The following FRMD3 variants were observed in gnomAD, a reference collection of about 807,000 sequenced individuals.
FRMD3 encodes FERM domain containing 3, also known as FERM domain-containing protein 3.
FRMD3 carries 33 observed loss-of-function variants against 70.2 expected under a neutral mutation model. The observed-to-expected ratio is 0.47, with a 90% CI of 0.36 to 0.63. FRMD3 has a LOEUF of 0.63. Ranked by LOEUF, FRMD3 falls within the 20% of genes least tolerant of loss-of-function variation. FRMD3 has a pLI of 0.00. For synonymous variants in FRMD3, 279 were observed against 255.9 expected, an observed-to-expected ratio of 1.09 and a Z score of -0.86; for missense variants, 632 against 711.4, an observed-to-expected ratio of 0.89 and a Z score of 1.27.
intron 3 of FRMD3, among the ~76,000 whole-genome samples, chr9:83,352,427 T>C (rs1824190724): frequency 6.6e-6 from 1 of 152,166 alleles, no homozygotes; most frequent in African/African-American, 2.4e-5. Context: ...GCTCCTCAGA[T>C]ACAAATAGTG....
intron 10 of FRMD3, among the ~76,000 whole-genome samples, chr9:83,306,598 CTTTT>C (rs936281517): frequency 2.6e-5 from 4 of 151,316 alleles, no homozygotes; most frequent in African/African-American, 7.3e-5. Flanking sequence ...TAGCTTTTTT[CTTTT>C]TTTTTCATTT....
chr9:83,378,265 T>TG (rs1240948242), intron 2 of FRMD3, among the ~76,000 whole-genome samples: 1 of 141,200 alleles, frequency 7.1e-6, no homozygotes. Context: ...TTTTTTGTTT[T>TG]TTTTGTTTTT....
chr9:83,409,550 G>A (rs1277476275), intron 1 of FRMD3, among the ~76,000 whole-genome samples: 1 of 152,214 alleles, frequency 6.6e-6, no homozygotes, highest in Non-Finnish European at 1.5e-5. Context: ...AGACTCTTCA[G>A]AGGAAATTGG....
intron 1 of FRMD3, among the ~76,000 whole-genome samples, chr9:83,433,129 T>C (rs1382353921): frequency 6.6e-6 from 1 of 152,228 alleles, no homozygotes; most frequent in Non-Finnish European, 1.5e-5. Flanking sequence ...TCTTTATCAA[T>C]GCATTCATCA....
chr9:83,328,745 C>A (rs992345174), intron 6 of FRMD3, among the ~76,000 whole-genome samples: 1 of 152,126 alleles, frequency 6.6e-6, no homozygotes, highest in Non-Finnish European at 1.5e-5. Context: ...CAGTGCCCCA[C>A]AAAAGGCTGC....
intron 1 of FRMD3, among the ~76,000 whole-genome samples, chr9:83,400,542 T>C (rs565061043): frequency 6.6e-6 from 1 of 152,340 alleles, no homozygotes; most frequent in East Asian, 1.9e-4. Flanking sequence ...CAGATTCTGA[T>C]GTTTTGTGAA....
At chr9:83,577,153 T>C in the FRMD3 span, among the ~76,000 whole-genome samples, 1 of 152,108 alleles carries the variant, frequency 6.6e-6, no homozygotes, top group African/African-American at 2.4e-5. Flanking sequence ...TACCCTCAAA[T>C]TGATCTATAG....
intron 1 of FRMD3, among the ~76,000 whole-genome samples, chr9:83,471,599 A>G (rs1828270943): frequency 1.3e-5 from 2 of 152,186 alleles, no homozygotes; most frequent in South Asian, 2.1e-4. Context: ...AGAGAGCATC[A>G]GGAAGAACAG....
chr9:83,438,861 C>A (rs1200470164), intron 1 of FRMD3, among the ~76,000 whole-genome samples: 1 of 152,188 alleles, frequency 6.6e-6, no homozygotes, highest in African/African-American at 2.4e-5. Flanking sequence ...AGAAGTTGTT[C>A]CCACCTCTGT....
intron 1 of FRMD3, among the ~76,000 whole-genome samples, chr9:83,432,468 G>C (rs1587847295): frequency 6.6e-6 from 1 of 152,140 alleles, no homozygotes; most frequent in African/African-American, 2.4e-5. Context: ...CCTCAGCCTG[G>C]CCAGCCTCTG....
intron 3 of FRMD3, among the ~76,000 whole-genome samples, chr9:83,352,887 GAGTCACACAGAACA>G (rs1475692958): frequency 1.3e-5 from 2 of 152,092 alleles, no homozygotes; most frequent in Non-Finnish European, 2.9e-5. Flanking sequence ...TGCTGTTGCT[GAGTCACACAGAACA>G]AGCCACTATG....
At chr9:83,363,963 G>A (rs959151463) in intron 3 of FRMD3, among the ~76,000 whole-genome samples, 2 of 152,008 alleles carry the variant, frequency 1.3e-5, no homozygotes, top group Admixed American at 6.5e-5. Context: ...TCATCACCTG[G>A]ATATTATCAA....
the FRMD3 span, among the ~76,000 whole-genome samples, chr9:83,582,924 A>G: frequency 2.0e-5 from 3 of 152,308 alleles, no homozygotes; most frequent in Non-Finnish European, 4.4e-5. Context: ...AGACGTTGCA[A>G]TTTGGGATCG....
intron 2 of FRMD3, among the ~76,000 whole-genome samples, chr9:83,380,610 C>T (rs1312768109): frequency 1.3e-5 from 2 of 152,022 alleles, no homozygotes; most frequent in East Asian, 1.9e-4. Flanking sequence ...TGGGGTGGTA[C>T]TTTGTGACTA....
intron 10 of FRMD3, among the ~76,000 whole-genome samples, chr9:83,301,884 C>T (rs1042376974): frequency 2.0e-5 from 3 of 152,266 alleles, no homozygotes; most frequent in Non-Finnish European, 4.4e-5. Flanking sequence ...AAAGACTGTG[C>T]GTCTTTCTGG....
intron 10 of FRMD3, 81 bp downstream of exon 10, chr9:83,309,455 A>C (rs1341999951): frequency 4.6e-5 from 36 of 783,562 alleles, no homozygotes; most frequent in Non-Finnish European, 7.1e-5. Flanking sequence ...TAAAAGAAAT[A>C]AATATGCAGC....
rs1263969538 is a variant in FRMD3, at chr9:83,343,238, G to T, written c.424C>A (p.Leu142Met). The T allele has an allele frequency of 6.2e-7, 1 of 1,614,058 alleles. No individual in the cohort carries two copies. Among genetic ancestry groups the T allele is most frequent in the South Asian group, 1.1e-5 (1 of 91,076 alleles). ...TAGGCAGCATCAGAAAAGGAGCACA[G>T]CAGGCGGCCATGAAAAATGTCCCTT... ...IKRDIFHGRL[L>M]CSFSDAAYLG... The change falls in exon 5 of 14, where the codon CTG becomes ATG. Residue 142 changes from leucine (L) to methionine (M), a missense_variant. Transcript: ENST00000304195.
intron 13 of FRMD3, among the ~76,000 whole-genome samples, chr9:83,286,730 G>A (rs1334165509): frequency 1.3e-5 from 2 of 152,198 alleles, no homozygotes; most frequent in Non-Finnish European, 2.9e-5. Flanking sequence ...ACAAGAATCT[G>A]AACCAGTATA....
At chr9:83,400,539 T>C (rs1825925281) in intron 1 of FRMD3, among the ~76,000 whole-genome samples, 1 of 152,220 alleles carries the variant, frequency 6.6e-6, no homozygotes, top group Admixed American at 6.5e-5. Context: ...AGTCAGATTC[T>C]GATGTTTTGT....
Sources: gnomAD v4.1 joint callset for allele counts (sites outside exome capture counted in the v4.1 genomes callset) on GRCh38, gnomAD v4.1.1 for gene constraint, MANE v1.5 for transcripts, NCBI Gene and HGNC (gene_info 2026-07-23, HGNC 2026-07-21) for gene names.